TAF3: variants seen among roughly 807,000 people sequenced by gnomAD.
TAF3 encodes transcription initiation factor TFIID subunit 3.
A neutral mutation model predicts 80.6 loss-of-function variants in TAF3; 7 were observed. The observed-to-expected ratio is 0.09, with a 90% confidence interval of 0.05 to 0.16. The LOEUF (loss-of-function observed/expected upper bound fraction) is 0.16, where lower values mean the gene tolerates loss of function less well. Ranked by LOEUF, TAF3 falls within the 10% of genes least tolerant of loss-of-function variation. The probability of loss-of-function intolerance (pLI) is 1.00; values close to 1 mark genes in which losing one functional copy is unlikely to be tolerated. For synonymous variants in TAF3, 444 were observed against 446.1 expected (o/e 1.00, Z 0.06); for missense variants, 921 against 1,140.2 (o/e 0.81, Z 2.77).
At chr10:7,885,910 A>G (rs1837404668) in intron 2 of TAF3, among the ~76,000 whole-genome samples, 1 of 151,956 alleles carries the variant, frequency 6.6e-6, no homozygotes, top group Admixed American at 6.6e-5. Context: ...TTTGGGCCAC[A>G]TCTTCCTCTG....
chr10:7,880,444 A>G (rs745759452), intron 2 of TAF3, among the ~76,000 whole-genome samples: 1 of 152,196 alleles, frequency 6.6e-6, no homozygotes, highest in Non-Finnish European at 1.5e-5. Flanking sequence ...AATAAGAAAT[A>G]TGCAGCTATC....
chr10:7,872,729 A>G (rs1053851453), intron 2 of TAF3, among the ~76,000 whole-genome samples: 3 of 152,232 alleles, frequency 2.0e-5, no homozygotes, highest in Non-Finnish European at 4.4e-5. Flanking sequence ...CAAATTCTTT[A>G]TATAATTTCT....
In TAF3 at chr10:7,988,752, G is replaced by GAAAAAA. The variant is rs56395044; in HGVS notation, c.2315+11443_2315+11448dup. 1.6e-4 allele frequency among the ~76,000 whole-genome samples: 15 copies of GAAAAAA among 92,840 alleles called. 2 individuals carry two copies. The highest frequency in any genetic ancestry group is 6.1e-4 in the African/African-American group (12 of 19,570). 60.9% of individuals were successfully genotyped at this position (92,840 alleles called of 152,430 possible). ...CAATAGAGTGAGATTCTGTCTCTCA[G>GAAAAAA]AAAAAAAAAAAAAAAAAAATCAAGA... On this transcript the variant is annotated intron_variant, in intron 4 of 6. Transcript: ENST00000344293.
At chr10:7,853,575 G>A (rs1233747493) in intron 2 of TAF3, among the ~76,000 whole-genome samples, 7 of 152,354 alleles carry the variant, frequency 4.6e-5, no homozygotes, top group African/African-American at 1.7e-4. Context: ...CAGCAAAGAA[G>A]TTGCTCACAT....
chr10:7,944,661 AT>A (rs1300228726), intron 2 of TAF3, among the ~76,000 whole-genome samples: 1 of 152,226 alleles, frequency 6.6e-6, no homozygotes, highest in Non-Finnish European at 1.5e-5. Flanking sequence ...ACAAAGGGTT[AT>A]CTCTTAGCTA....
intron 2 of TAF3, among the ~76,000 whole-genome samples, chr10:7,944,814 A>T (rs758169676): frequency 1.7e-4 from 26 of 152,198 alleles, no homozygotes; most frequent in Non-Finnish European, 3.2e-4. Flanking sequence ...TTAAGCAATT[A>T]ATCAAGAAAC....
intron 2 of TAF3, among the ~76,000 whole-genome samples, chr10:7,941,988 CA>C (rs1420681216): frequency 6.6e-6 from 1 of 152,178 alleles, no homozygotes; most frequent in African/African-American, 2.4e-5. Context: ...AAATTTACTA[CA>C]GCTTCAAGGA....
chr10:7,964,331 C>A lies in TAF3; in HGVS notation c.821C>A (p.Thr274Asn). 6.2e-7 allele frequency: 1 copy of A among 1,614,156 alleles called. No homozygotes were observed. The highest frequency in any genetic ancestry group is 8.5e-7 in the Non-Finnish European group (1 of 1,180,030). ...AAGTCATTTACACCTAAAACAAAGA[C>A]TAAAACTAGCTCTCCAGGACAGAAG... Reference protein sequence around the residue: ...ETKSFTPKTKTKTSSPGQKTK... With the variant: ...ETKSFTPKTKNKTSSPGQKTK... The change falls in exon 3 of 7, where the codon ACT becomes AAT. Residue 274 changes from threonine to asparagine, a missense_variant. This residue lies in a region of TAF3 where 743 missense variants were observed against 821.0 expected (regional missense o/e 0.90). Transcript: ENST00000344293. The surrounding 1 kb of genome is among the most constrained non-coding windows in gnomAD (Gnocchi z 4.1).
chr10:7,819,204 C>G (rs1185799423), intron 1 of TAF3, among the ~76,000 whole-genome samples: 1 of 152,050 alleles, frequency 6.6e-6, no homozygotes, highest in Non-Finnish European at 1.5e-5. Flanking sequence ...AGATCCACCC[C>G]CAGCGTGCCC....
chr10:7,826,025 G>A (rs1836737092), intron 2 of TAF3, among the ~76,000 whole-genome samples: 1 of 152,150 alleles, frequency 6.6e-6, no homozygotes, highest in Non-Finnish European at 1.5e-5. Flanking sequence ...TACTTTAATA[G>A]CATTTTGAAG....
At chr10:7,995,839 T>A (rs986883210) in intron 4 of TAF3, among the ~76,000 whole-genome samples, 4 of 152,160 alleles carry the variant, frequency 2.6e-5, no homozygotes, top group Non-Finnish European at 5.9e-5. Flanking sequence ...AATGTTAAAA[T>A]TTGAGCTGTG....
intron 5 of TAF3, among the ~76,000 whole-genome samples, chr10:8,010,751 A>G (rs546564930): frequency 1.3e-5 from 2 of 152,304 alleles, no homozygotes; most frequent in South Asian, 2.1e-4. Flanking sequence ...TACTAAAAAT[A>G]CAAACAAAAT....
chr10:7,922,988 TA>T (rs774074166), intron 2 of TAF3, among the ~76,000 whole-genome samples: 1 of 152,106 alleles, frequency 6.6e-6, no homozygotes, highest in African/African-American at 2.4e-5. Flanking sequence ...TAATGTATTA[TA>T]AATCATCTAT....
chr10:7,865,502 CAAAG>C (rs142566252), intron 2 of TAF3, among the ~76,000 whole-genome samples: 26,098 of 149,928 alleles, frequency 0.17, 2,420 homozygotes, highest in Middle Eastern at 0.25. Flanking sequence ...AACAAACAAA[CAAAG>C]AAACAAACAG....
chr10:7,913,252 TG>T (rs1837674532), intron 2 of TAF3, among the ~76,000 whole-genome samples: 3 of 151,972 alleles, frequency 2.0e-5, no homozygotes, highest in Non-Finnish European at 4.4e-5. Context: ...AGGTATGAAG[TG>T]TTGGGAGGAC....
In TAF3 at chr10:7,924,751, GT is replaced by G. The variant is rs930380950; in HGVS notation, c.410-39158del. Among the ~76,000 whole-genome samples, 692 of 145,618 alleles carry G rather than the reference GT, an allele frequency of 4.8e-3. 8 individuals are homozygous for G. The highest frequency in any genetic ancestry group is 0.015 in the African/African-American group (613 of 40,000). ...ACCACCCCAACAGAACACTATCTGT[GT>G]TTTTTTTTTTCTTGTGGTGAGAGAG... On this transcript the variant is annotated intron_variant, in intron 2 of 6. Transcript: ENST00000344293.
intron 3 of TAF3, among the ~76,000 whole-genome samples, chr10:7,969,964 T>C (rs556411470): frequency 1.3e-5 from 2 of 152,360 alleles, no homozygotes; most frequent in South Asian, 2.1e-4. Flanking sequence ...GTTTAACTTA[T>C]CTCTGCTTAA....
At chr10:7,827,905 A>G (rs576482824) in intron 2 of TAF3, among the ~76,000 whole-genome samples, 102 of 152,134 alleles carry the variant, frequency 6.7e-4, no homozygotes, top group Non-Finnish European at 1.3e-3. Context: ...GCAGTGAGCT[A>G]TGATCACACC....
At chr10:7,975,756 G>A (rs985316774) in intron 3 of TAF3, among the ~76,000 whole-genome samples, 2 of 152,060 alleles carry the variant, frequency 1.3e-5, no homozygotes, top group Admixed American at 6.5e-5. Context: ...GAAAATAATA[G>A]ATTTGATCTA....
Sources: gnomAD v4.1 joint callset for allele counts (sites outside exome capture counted in the v4.1 genomes callset) on GRCh38, gnomAD v4.1.1 for gene constraint, gnomAD v4.1.1 regional missense constraint, Gnocchi (gnomAD v3.1) non-coding constraint, MANE v1.5 for transcripts, NCBI Gene and HGNC (gene_info 2026-07-23, HGNC 2026-07-21) for gene names.